Variants in PPARGC1A observed in about 807,000 individuals in gnomAD.
PPARGC1A encodes the protein peroxisome proliferator-activated receptor gamma coactivator 1-alpha.
PPARGC1A carries 25 observed loss-of-function variants against 88.7 expected under a neutral mutation model. The ratio of observed to expected loss-of-function variants is 0.28; its 90% CI spans 0.21 to 0.39. PPARGC1A has a LOEUF of 0.39. Among genes scored for constraint, PPARGC1A ranks in the 10% least tolerant of loss-of-function variants. PPARGC1A has a pLI of 1.00. For missense variants in PPARGC1A, 880 were observed against 968.7 expected, an observed-to-expected ratio of 0.91 and a Z score of 1.22; for synonymous variants, 363 against 355.6, an observed-to-expected ratio of 1.02 and a Z score of -0.24.
chr4:24,164,257 G>A, the PPARGC1A span, among the ~76,000 whole-genome samples: 5 of 152,182 alleles, frequency 3.3e-5, no homozygotes, highest in African/African-American at 9.6e-5. Flanking sequence ...GCTGGTACCC[G>A]ATGCAGAAGC....
chr4:24,226,230 C>T, the PPARGC1A span, among the ~76,000 whole-genome samples: 1,759 of 152,258 alleles, frequency 0.012, 43 homozygotes, highest in African/African-American at 0.039. Context: ...TCATTCCGGC[C>T]GGGCTGTGGG....
chr4:24,386,805 G>A, the PPARGC1A span, among the ~76,000 whole-genome samples: 1 of 152,146 alleles, frequency 6.6e-6, no homozygotes, highest in African/African-American at 2.4e-5. Context: ...TTGTGAAAAT[G>A]GCCATACTGC....
At chr4:23,934,773 G>A in the PPARGC1A span, among the ~76,000 whole-genome samples, 34 of 152,304 alleles carry the variant, frequency 2.2e-4, no homozygotes, top group African/African-American at 5.3e-4. Context: ...TAAGGAAACT[G>A]AGGCTCATCT....
At chr4:24,357,301 G>T in the PPARGC1A span, among the ~76,000 whole-genome samples, 2 of 152,130 alleles carry the variant, frequency 1.3e-5, no homozygotes, top group Non-Finnish European at 2.9e-5. Context: ...CTTGTCCAAG[G>T]CCAGATGACC....
the PPARGC1A span, among the ~76,000 whole-genome samples, chr4:24,245,327 A>G: frequency 2.6e-5 from 4 of 152,234 alleles, no homozygotes; most frequent in Non-Finnish European, 5.9e-5. Context: ...CTGGTCAGAT[A>G]AGCAAGTGCT....
At chr4:23,907,797 G>A (rs1577719164), upstream of PPARGC1A, among the ~76,000 whole-genome samples, 1 of 151,944 alleles carries the variant, frequency 6.6e-6, no homozygotes, top group Middle Eastern at 3.4e-3. Flanking sequence ...TCCTTACTTG[G>A]GGCATTTTAA....
At chr4:24,049,298 A>G in the PPARGC1A span, among the ~76,000 whole-genome samples, 2 of 52,412 alleles carry the variant, frequency 3.8e-5, no homozygotes, top group Non-Finnish European at 1.1e-4. Context: ...GTGTGTATAT[A>G]TATATGTGTG....
the PPARGC1A span, among the ~76,000 whole-genome samples, chr4:24,388,177 T>C: frequency 1.3e-5 from 2 of 148,548 alleles, no homozygotes; most frequent in Non-Finnish European, 3.0e-5. Flanking sequence ...GCAAAGGATA[T>C]GAACAGACAC....
At chr4:23,995,916 C>T in the PPARGC1A span, among the ~76,000 whole-genome samples, 2 of 152,128 alleles carry the variant, frequency 1.3e-5, no homozygotes, top group Admixed American at 1.3e-4. Context: ...ACACAGAATG[C>T]TTCAGAAGAA....
At chr4:24,466,886 C>CAAAAAAAAAAAAA in the PPARGC1A span, among the ~76,000 whole-genome samples, 2 of 68,290 alleles carry the variant, frequency 2.9e-5, no homozygotes. Context: ...TGCACACCAG[C>CAAAAAAAAAAAAA]AAAAAAAAAA....
rs59256257 is a variant in PPARGC1A, at chr4:23,809,968, G to C, written c.2019+2779C>G. ...CCCTTATAATAGCACTTATCACACT[G>C]TATTGCCTGTTTGTGTATTTTTATC... On this transcript the variant is annotated intron_variant, in intron 10 of 12. Transcript: ENST00000264867. 7.7e-3 allele frequency among the ~76,000 whole-genome samples: 1,176 copies of C among 152,230 alleles called. 11 individuals are homozygous for C. Among genetic ancestry groups the C allele is most frequent in the African/African-American group, 0.024 (1,012 of 41,522 alleles).
chr4:24,042,206 C>T, the PPARGC1A span, among the ~76,000 whole-genome samples: 1 of 152,166 alleles, frequency 6.6e-6, no homozygotes, highest in East Asian at 1.9e-4. Context: ...CATGCCTGAT[C>T]TCCAAGGATG....
At chr4:24,451,619 C>T in the PPARGC1A span, among the ~76,000 whole-genome samples, 1 of 152,140 alleles carries the variant, frequency 6.6e-6, no homozygotes, top group Non-Finnish European at 1.5e-5. Context: ...TGCTCTGTCG[C>T]CAGGCTGGAG....
chr4:23,876,491 T>C (rs753359978), intron 2 of PPARGC1A, among the ~76,000 whole-genome samples: 39 of 152,200 alleles, frequency 2.6e-4, no homozygotes, highest in Non-Finnish European at 2.8e-4. Flanking sequence ...GCTCCAGCTA[T>C]GCATATTGTG....
the PPARGC1A span, among the ~76,000 whole-genome samples, chr4:24,408,849 C>T: frequency 1.1e-3 from 161 of 152,264 alleles, 1 homozygote; most frequent in African/African-American, 3.6e-3. Context: ...CACGGAAACA[C>T]GAAACATAAC....
At chr4:23,799,561 C>T (rs1718276833) in intron 12 of PPARGC1A, among the ~76,000 whole-genome samples, 1 of 152,212 alleles carries the variant, frequency 6.6e-6, no homozygotes, top group South Asian at 2.1e-4. Flanking sequence ...CAGAAAAAAA[C>T]TACCTTTGTG....
the PPARGC1A span, among the ~76,000 whole-genome samples, chr4:24,038,724 G>A: frequency 1.6e-4 from 25 of 151,974 alleles, no homozygotes; most frequent in African/African-American, 5.6e-4. Flanking sequence ...CTCTTCAGTC[G>A]TGTTTATGAA....
chr4:23,810,462 C>T (rs899945192), intron 10 of PPARGC1A, among the ~76,000 whole-genome samples: 2 of 152,100 alleles, frequency 1.3e-5, no homozygotes, highest in Non-Finnish European at 2.9e-5. Context: ...AGGCTGGTGA[C>T]CCTCAGGGTG....
At chr4:23,997,210 T>C in the PPARGC1A span, among the ~76,000 whole-genome samples, 1 of 152,178 alleles carries the variant, frequency 6.6e-6, no homozygotes, top group Non-Finnish European at 1.5e-5. Flanking sequence ...CCTTGTAAGC[T>C]TCATGTCTTT....
Sources: allele counts gnomAD v4.1 joint callset (sites outside exome capture counted in the v4.1 genomes callset), GRCh38; gene constraint gnomAD v4.1.1; transcripts MANE v1.5; gene names NCBI Gene and HGNC (gene_info 2026-07-23, HGNC 2026-07-21).